SMCHD1: variants seen among roughly 807,000 people sequenced by gnomAD.
SMCHD1 encodes structural maintenance of chromosomes flexible hinge domain-containing protein 1.
In SMCHD1, 78 loss-of-function variants were observed where a neutral mutation model predicts 254.7. The ratio of observed to expected loss-of-function variants is 0.31; its 90% CI spans 0.26 to 0.37. The LOEUF (loss-of-function observed/expected upper bound fraction) is 0.37. Among genes scored for constraint, SMCHD1 ranks in the 10% least tolerant of loss-of-function variants. SMCHD1 has a pLI of 1.00. For synonymous variants in SMCHD1, 766 were observed against 794.9 expected (o/e 0.96, Z 0.61); for missense variants, 1,840 against 2,408.1 (o/e 0.76, Z 4.94).
intron 7 of SMCHD1, 67 bp from the exon 8 acceptor site, chr18:2,694,460 G>A: frequency 1.6e-6 from 2 of 1,265,570 alleles, no homozygotes; most frequent in East Asian, 2.6e-5. Flanking sequence ...AAAATTTGAT[G>A]CAATAGCTAT....
At chr18:2,792,888 T>C (rs2076191536) in intron 45 of SMCHD1, among the ~76,000 whole-genome samples, 2 of 152,212 alleles carry the variant, frequency 1.3e-5, no homozygotes, top group African/African-American at 2.4e-5. Context: ...ACCTGTCACC[T>C]AGCTTTGATT....
intron 24 of SMCHD1, among the ~76,000 whole-genome samples, chr18:2,729,730 A>G (rs973996592): frequency 2.1e-5 from 3 of 146,128 alleles, no homozygotes; most frequent in Admixed American, 6.9e-5. Flanking sequence ...TTTTAAAGAG[A>G]TAGGGTCTCA....
chr18:2,706,358 A>T lies in SMCHD1; in HGVS notation c.1957-6A>T. On this transcript the variant is annotated splice_polypyrimidine_tract_variant and splice_region_variant and intron_variant, in intron 14 of 47. Transcript: ENST00000320876. ...CTTTGAAATGTTGGTAAATGTATTT[A>T]TTCAGGAACCTCAGGCACTATATGA... 6.5e-7 allele frequency: 1 copy of T among 1,540,368 alleles called. No homozygotes were observed.
intron 25 of SMCHD1, among the ~76,000 whole-genome samples, chr18:2,734,463 GA>G (rs150219667): frequency 0.048 from 7,331 of 152,148 alleles, 261 homozygotes; most frequent in Non-Finnish European, 0.078. Flanking sequence ...AAAAGATAGT[GA>G]GTACTCCATT....
intron 45 of SMCHD1, among the ~76,000 whole-genome samples, chr18:2,786,141 G>C (rs2076236592): frequency 6.6e-6 from 1 of 152,068 alleles, no homozygotes; most frequent in Admixed American, 6.6e-5. Context: ...AGCCACCCAA[G>C]TTGCTGGGAT....
intron 44 of SMCHD1, among the ~76,000 whole-genome samples, chr18:2,782,106 T>C (rs1308659043): frequency 6.6e-6 from 1 of 152,234 alleles, no homozygotes; most frequent in Non-Finnish European, 1.5e-5. Flanking sequence ...CTAAATGAAG[T>C]CATATGTAAC....
chr18:2,771,413 G>A (rs775669187), intron 39 of SMCHD1, 120 bp from the exon 40 acceptor site: 2 of 692,968 alleles, frequency 2.9e-6, no homozygotes, highest in Non-Finnish European at 4.7e-6. Context: ...TCACCTATCA[G>A]TTTTCATTTT....
chr18:2,709,787 A>T (rs2074625791), intron 17 of SMCHD1, among the ~76,000 whole-genome samples: 1 of 152,108 alleles, frequency 6.6e-6, no homozygotes, highest in Non-Finnish European at 1.5e-5. Flanking sequence ...GTTCTTTATA[A>T]TCCTGGATAT....
chr18:2,755,815 C>T (rs1317617549), intron 34 of SMCHD1, among the ~76,000 whole-genome samples: 2 of 152,076 alleles, frequency 1.3e-5, no homozygotes, highest in Non-Finnish European at 2.9e-5. Flanking sequence ...GATCCACCCG[C>T]CTTGGCCTCC....
At chr18:2,763,004 C>T (rs575781029) in intron 36 of SMCHD1, among the ~76,000 whole-genome samples, 3 of 152,304 alleles carry the variant, frequency 2.0e-5, no homozygotes, top group East Asian at 3.9e-4. Context: ...AGCAGCAACA[C>T]AGCTGTCAAA....
chr18:2,706,980 G>A (rs979306223), intron 15 of SMCHD1, among the ~76,000 whole-genome samples: 6 of 152,106 alleles, frequency 3.9e-5, no homozygotes, highest in East Asian at 1.9e-4. Flanking sequence ...GAGAGGGAAG[G>A]GGGAACTGTC....
intron 47 of SMCHD1, among the ~76,000 whole-genome samples, chr18:2,800,197 C>T (rs2076335582): frequency 6.6e-6 from 1 of 151,606 alleles, no homozygotes; most frequent in African/African-American, 2.4e-5. Context: ...GTTTGGGAGT[C>T]CTGTCTCCCA....
intron 13 of SMCHD1, 103 bp downstream of exon 13, chr18:2,703,989 CT>C: frequency 4.3e-6 from 4 of 928,244 alleles, no homozygotes; most frequent in Non-Finnish European, 6.0e-6. Flanking sequence ...TTAAAAATTT[CT>C]TTTTTTCCCA....
rs557259741 is a variant in SMCHD1 at position 2,710,055 on chromosome 18, T to C, written c.2260+2135T>C. On this transcript the variant is annotated intron_variant, in intron 17 of 47. Transcript: ENST00000320876. ...GCTCTGTTGTTATTACTTTGATCCA[T>C]CTGACCTTGACTTTTGCATATGGTT... 8.6e-4 allele frequency among the ~76,000 whole-genome samples: 131 copies of C among 152,374 alleles called. 4 individuals are homozygous for C. The South Asian group carries it at 0.026, about 30-fold the overall frequency.
chr18:2,800,046 A>G (rs1381249456), intron 47 of SMCHD1, among the ~76,000 whole-genome samples: 1 of 152,158 alleles, frequency 6.6e-6, no homozygotes, highest in Non-Finnish European at 1.5e-5. Context: ...GGATAGAAAC[A>G]AGGCTAGAAT....
intron 36 of SMCHD1, 73 bp from the exon 37 acceptor site, chr18:2,763,564 A>G (rs2075821097): frequency 8.2e-7 from 1 of 1,216,210 alleles, no homozygotes; most frequent in African/African-American, 1.6e-5. Flanking sequence ...ATTATTTCTG[A>G]TTTGTACATG....
In SMCHD1 at chr18:2,729,379, C is replaced by G. The variant is rs368934220; in HGVS notation, c.3018C>G (p.Asp1006Glu). 9 of 1,541,214 alleles carry G rather than the reference C, an allele frequency of 5.8e-6. No homozygotes were observed. Among genetic ancestry groups the G allele is most frequent in the African/African-American group, 4.1e-5 (3 of 72,448 alleles). The change falls in exon 24 of 48, where the codon GAC (aspartate) becomes GAG (glutamate). Residue 1006 changes from aspartate to glutamate, a missense_variant. Transcript: ENST00000320876. The stretch of plus-strand genomic sequence containing the variant: ...TTCAAGTTCAGAATATTAAAAAAGA[C>G]CAGACGCTTAAAGCAAGAATTGAAA... ...SAIQVQNIKKDQTLKARIEIP... is the reference protein window; with the variant it reads ...SAIQVQNIKKEQTLKARIEIP...
chr18:2,706,441 TA>T lies in SMCHD1; in HGVS notation c.2040del (p.Lys680AsnfsTer3), dbSNP rs766211852. On this transcript the variant is annotated frameshift_variant, in exon 15 of 48. Transcript: ENST00000320876. LOFTEE classifies it high-confidence loss of function. Reference sequence around the variant, plus strand: ...ATAGGACAGTTGCTGAGAAAGCTGTTAAAAAATATGTAGAAGATGAAATGGC... The same window carrying T: ...ATAGGACAGTTGCTGAGAAAGCTGTTAAAAATATGTAGAAGATGAAATGGC... Reference protein sequence around the residue: ...LDRTVAEKAVKKYVEDEMARL... With the variant: ...LDRTVAEKAVXKYVEDEMARL... 5 of 1,589,940 alleles carry T rather than the reference TA, an allele frequency of 3.1e-6. No individual in the cohort carries two copies. The highest frequency in any genetic ancestry group is 2.3e-5 in the East Asian group (1 of 44,116).
intron 1 of SMCHD1, among the ~76,000 whole-genome samples, chr18:2,658,369 A>C (rs1275568195): frequency 6.6e-5 from 10 of 152,242 alleles, no homozygotes; most frequent in Non-Finnish European, 1.5e-4. Flanking sequence ...CATTACTCAG[A>C]TAGTAAAGCT....
Sources: allele counts gnomAD v4.1 joint callset (sites outside exome capture counted in the v4.1 genomes callset), GRCh38; gene constraint gnomAD v4.1.1; transcripts MANE v1.5; gene names NCBI Gene and HGNC (gene_info 2026-07-23, HGNC 2026-07-21).